Variants in PPP1R21 observed in about 807,000 individuals in gnomAD.
PPP1R21 encodes the protein protein phosphatase 1 regulatory subunit 21, also known as KLRAQ motif containing 1.
Under a neutral mutation model 112.8 loss-of-function variants are expected in PPP1R21, and 85 were observed. The observed-to-expected ratio is 0.75, with a 90% CI of 0.63 to 0.90. PPP1R21 has a LOEUF of 0.90. PPP1R21 is among the 40% of genes least tolerant of loss of function. PPP1R21 has a pLI of 0.00. For missense variants in PPP1R21, 1,199 were observed against 901.5 expected (o/e 1.33, Z -4.23); for synonymous variants, 381 against 322.3 (o/e 1.18, Z -1.95).
intron 6 of PPP1R21, among the ~76,000 whole-genome samples, chr2:48,460,722 A>G (rs1243485155): frequency 7.8e-6 from 1 of 128,410 alleles, no homozygotes; most frequent in Non-Finnish European, 1.7e-5. Flanking sequence ...CCAAACACAG[A>G]AAGAGTTCAA....
intron 15 of PPP1R21, among the ~76,000 whole-genome samples, chr2:48,494,396 A>G (rs1232393436): frequency 6.8e-6 from 1 of 147,614 alleles, no homozygotes; most frequent in Non-Finnish European, 1.5e-5. Context: ...GTCATCTAAC[A>G]TAAAGCCTAT....
intron 15 of PPP1R21, among the ~76,000 whole-genome samples, chr2:48,493,884 C>G (rs973345986): frequency 1.3e-5 from 2 of 151,716 alleles, no homozygotes; most frequent in African/African-American, 4.8e-5. Context: ...ACTGATGCTC[C>G]TTGACTTATG....
intron 1 of PPP1R21, chr2:48,441,375 C>G (rs1249529912): frequency 2.9e-6 from 1 of 342,780 alleles, no homozygotes; most frequent in East Asian, 1.0e-4. Flanking sequence ...CCTCAATTTT[C>G]TCAGCCTAGG....
chr2:48,486,819 G>C, intron 14 of PPP1R21, 61 bp downstream of exon 14: 1 of 1,537,594 alleles, frequency 6.5e-7, no homozygotes, highest in Non-Finnish European at 8.8e-7. Flanking sequence ...TTTTTCTGAG[G>C]GACATAGGAA....
At chr2:48,461,381 G>T (rs2103803799) in intron 7 of PPP1R21, 149 bp downstream of exon 7, 2 of 1,240,492 alleles carry the variant, frequency 1.6e-6, no homozygotes, top group Non-Finnish European at 2.1e-6. Flanking sequence ...ATCAGCCGTG[G>T]TAATCATATT....
chr2:48,460,077 T>C lies in PPP1R21; in HGVS notation c.541-18T>C. Reference sequence around the variant, plus strand: ...CGTAGCCTGAGCCATCTGTGTTTCTTTTTCTTCTGAAATTCAGGTGAAATC... The same window carrying C: ...CGTAGCCTGAGCCATCTGTGTTTCTCTTTCTTCTGAAATTCAGGTGAAATC... On this transcript the variant is annotated intron_variant, in intron 5 of 21. Coordinates refer to ENST00000294952, the MANE Select transcript of PPP1R21 (RefSeq NM_001135629.3). 1 of 1,614,034 alleles carries C rather than the reference T, an allele frequency of 6.2e-7. No individual in the cohort carries two copies. The highest frequency in any genetic ancestry group is 8.5e-7 in the Non-Finnish European group (1 of 1,179,950).
At chr2:48,444,112 G>A (rs1667150600) in intron 1 of PPP1R21, among the ~76,000 whole-genome samples, 1 of 152,122 alleles carries the variant, frequency 6.6e-6, no homozygotes, top group South Asian at 2.1e-4. Context: ...TTAGATAAAA[G>A]ATGAACTGTG....
intron 4 of PPP1R21, among the ~76,000 whole-genome samples, chr2:48,458,684 C>G (rs1483921874): frequency 4.0e-5 from 6 of 150,742 alleles, no homozygotes; most frequent in Non-Finnish European, 7.4e-5. Flanking sequence ...GGGTATGAAC[C>G]ATGTATGTTT....
chr2:48,470,900 C>T (rs1668469048), intron 9 of PPP1R21, among the ~76,000 whole-genome samples, 187 bp from the exon 10 acceptor site: 1 of 152,104 alleles, frequency 6.6e-6, no homozygotes, highest in Non-Finnish European at 1.5e-5. Flanking sequence ...AGGGGAGCAT[C>T]TGTGTTTAGC....
intron 12 of PPP1R21, among the ~76,000 whole-genome samples, chr2:48,479,062 T>A (rs73927974): frequency 3.9e-5 from 6 of 152,280 alleles, no homozygotes; most frequent in African/African-American, 1.4e-4. Context: ...GTGGAACTCC[T>A]GTTGATGAGC....
intron 1 of PPP1R21, among the ~76,000 whole-genome samples, chr2:48,444,386 C>G (rs901516762): frequency 6.6e-6 from 1 of 152,146 alleles, no homozygotes; most frequent in African/African-American, 2.4e-5. Context: ...ACCTCAGTTG[C>G]TACATTATAG....
chr2:48,481,963 G>A (rs897116758), intron 13 of PPP1R21, among the ~76,000 whole-genome samples: 1 of 152,120 alleles, frequency 6.6e-6, no homozygotes, highest in African/African-American at 2.4e-5. Flanking sequence ...ATATGTATAA[G>A]GTATATATGA....
At chr2:48,450,822 T>C (rs1283917541) in intron 1 of PPP1R21, among the ~76,000 whole-genome samples, 186 bp from the exon 2 acceptor site, 1 of 152,146 alleles carries the variant, frequency 6.6e-6, no homozygotes, top group Non-Finnish European at 1.5e-5. Flanking sequence ...GTGTCCTCCT[T>C]ATCTGTAAAA....
At chr2:48,472,824 G>T (rs1668580269) in intron 11 of PPP1R21, among the ~76,000 whole-genome samples, 1 of 151,628 alleles carries the variant, frequency 6.6e-6, no homozygotes. Context: ...GGTGGCCTGT[G>T]CCTGTAGTCC....
chr2:48,440,821 G>GGCA lies in PPP1R21; in HGVS notation c.-131_-130insAGC. 3.0e-6 allele frequency: 2 copies of GGCA among 668,246 alleles called. No homozygotes were observed. The highest frequency in any genetic ancestry group is 2.6e-6 in the Non-Finnish European group (1 of 383,012). The allele number at this position is 668,246 out of a possible 1,614,324, so 41.4% of individuals were successfully genotyped here. ...GAAGTGGAGGAGGAGGCGCGGCGGC[G>GGCA]GCGGCGGCGGCGGCTGCGGTGGCCA... On this transcript the variant is annotated 5_prime_UTR_variant, in exon 1 of 22. Transcript: ENST00000294952.
chr2:48,468,076 T>C (rs1159497205), intron 9 of PPP1R21, among the ~76,000 whole-genome samples: 1 of 152,190 alleles, frequency 6.6e-6, no homozygotes, highest in Non-Finnish European at 1.5e-5. Flanking sequence ...CTTCCTGGGT[T>C]CCCAGTCCAT....
chr2:48,474,716 A>T lies in PPP1R21; in HGVS notation c.1122A>T (p.Thr374=). ...LEEECESSLC[T]SALRARNLEL... is the part of the protein sequence containing the mutation. ...AAGAATGTGAATCCTCTCTTTGCACATCTGCGTTAAGAGCCAGGAATCTAG... is the reference window on the plus strand; with the variant it reads ...AAGAATGTGAATCCTCTCTTTGCACTTCTGCGTTAAGAGCCAGGAATCTAG... Residue 374 remains threonine (T), a synonymous_variant, in exon 12 of 22, where the codon ACA becomes ACT. Transcript: ENST00000294952. The T allele has an allele frequency of 6.2e-7, 1 of 1,612,570 alleles. No homozygotes were observed. The highest frequency in any genetic ancestry group is 8.5e-7 in the Non-Finnish European group (1 of 1,179,388).
intron 15 of PPP1R21, among the ~76,000 whole-genome samples, chr2:48,494,416 TTTA>T (rs1313654473): frequency 1.0e-3 from 7 of 6,876 alleles, no homozygotes; most frequent in Admixed American, 1.9e-3. Context: ...TTTTATTTTA[TTTA>T]TTTATTTATT....
chr2:48,495,652 T>G, intron 15 of PPP1R21, 27 bp from the exon 16 acceptor site: 1 of 1,382,654 alleles, frequency 7.2e-7, no homozygotes, highest in South Asian at 1.2e-5. Flanking sequence ...TATTTTTTCT[T>G]TAATTCTTAT....
Sources: allele counts gnomAD v4.1 joint callset (sites outside exome capture counted in the v4.1 genomes callset), GRCh38; gene constraint gnomAD v4.1.1; transcripts MANE v1.5; gene names NCBI Gene and HGNC (gene_info 2026-07-23, HGNC 2026-07-21).